The following CADM1 variants were observed in gnomAD, a reference collection of about 807,000 sequenced individuals.
CADM1 encodes the protein cell adhesion molecule 1, also known as TSLC-1.
In CADM1, 15 loss-of-function variants were observed where a neutral mutation model predicts 53.1. The ratio of observed to expected loss-of-function variants is 0.28; its 90% CI spans 0.19 to 0.44. CADM1 has a LOEUF of 0.44. Ranked by LOEUF, CADM1 falls within the 20% of genes least tolerant of loss-of-function variation. The pLI is 1.00. For missense variants in CADM1, 434 were observed against 611.3 expected, an observed-to-expected ratio of 0.71 and a Z score of 3.06; for synonymous variants, 281 against 243.0, an observed-to-expected ratio of 1.16 and a Z score of -1.45.
At chr11:115,443,364 T>C (rs1948369845) in intron 1 of CADM1, among the ~76,000 whole-genome samples, 1 of 152,182 alleles carries the variant, frequency 6.6e-6, no homozygotes, top group Non-Finnish European at 1.5e-5. Flanking sequence ...ATAATAAAAG[T>C]AATGGCAGAT....
intron 1 of CADM1, among the ~76,000 whole-genome samples, chr11:115,500,889 AGAATAT>A (rs1949712925): frequency 6.6e-6 from 1 of 152,236 alleles, no homozygotes; most frequent in Admixed American, 6.5e-5. Context: ...AACTCCGATA[AGAATAT>A]GAAGTCAGGA....
chr11:115,234,752 G>A (rs1941949994), intron 3 of CADM1, among the ~76,000 whole-genome samples: 1 of 152,038 alleles, frequency 6.6e-6, no homozygotes, highest in Admixed American at 6.6e-5. Context: ...AATTAGCCAG[G>A]TGAGGTGGCG....
chr11:115,367,676 T>C (rs79921861), intron 1 of CADM1, among the ~76,000 whole-genome samples: 1 of 152,086 alleles, frequency 6.6e-6, no homozygotes, highest in South Asian at 2.1e-4. Context: ...TATTTTAACA[T>C]GATTTTAAGA....
At chr11:115,469,790 G>C (rs1002785464) in intron 1 of CADM1, among the ~76,000 whole-genome samples, 1 of 148,530 alleles carries the variant, frequency 6.7e-6, no homozygotes, top group Non-Finnish European at 1.5e-5. Context: ...TCCTGCCTCA[G>C]CCTCCCGAGA....
intron 1 of CADM1, among the ~76,000 whole-genome samples, chr11:115,340,657 TA>T (rs1263706603): frequency 0.02 from 673 of 34,288 alleles, 5 homozygotes; most frequent in Non-Finnish European, 0.029. Flanking sequence ...TATATATATA[TA>T]TTTTTTTTTT....
At chr11:115,393,158 G>A (rs1946886681) in intron 1 of CADM1, among the ~76,000 whole-genome samples, 1 of 149,488 alleles carries the variant, frequency 6.7e-6, no homozygotes, top group African/African-American at 2.5e-5. Flanking sequence ...TAAAACATAT[G>A]CTTGAAGAAT....
At chr11:115,329,593 G>A (rs1310400391) in intron 1 of CADM1, among the ~76,000 whole-genome samples, 1 of 152,062 alleles carries the variant, frequency 6.6e-6, no homozygotes, top group Non-Finnish European at 1.5e-5. Flanking sequence ...GTCTAGGGCT[G>A]GGTGCCCGTG....
At chr11:115,255,903 C>T (rs79818858) in intron 1 of CADM1, among the ~76,000 whole-genome samples, 1 of 152,304 alleles carries the variant, frequency 6.6e-6, no homozygotes, top group African/African-American at 2.4e-5. Context: ...AGCTAGCTGA[C>T]TGTAACCAAT....
At chr11:115,352,504 A>G (rs531844419) in intron 1 of CADM1, among the ~76,000 whole-genome samples, 8 of 152,364 alleles carry the variant, frequency 5.3e-5, no homozygotes, top group Non-Finnish European at 1.2e-4. Context: ...GATAAAATAG[A>G]GGAAATATTT....
chr11:115,181,225 C>T (rs550145544), intron 10 of CADM1, among the ~76,000 whole-genome samples: 94 of 152,188 alleles, frequency 6.2e-4, no homozygotes, highest in African/African-American at 2.0e-3. Flanking sequence ...ACAAAAACCT[C>T]CCTCAAACAA....
chr11:115,267,741 C>T (rs1398054012), intron 1 of CADM1, among the ~76,000 whole-genome samples: 1 of 142,160 alleles, frequency 7.0e-6, no homozygotes, highest in Non-Finnish European at 1.5e-5. Context: ...ACTGAAGAAA[C>T]CAATTAACCC....
At chr11:115,367,601 G>A (rs1450271433) in intron 1 of CADM1, among the ~76,000 whole-genome samples, 1 of 151,960 alleles carries the variant, frequency 6.6e-6, no homozygotes, top group South Asian at 2.1e-4. Context: ...GCATTTTGTT[G>A]CATTTCTTCC....
At chr11:115,329,361 C>T (rs1945070992) in intron 1 of CADM1, among the ~76,000 whole-genome samples, 1 of 152,034 alleles carries the variant, frequency 6.6e-6, no homozygotes. Context: ...GGATCTGTGT[C>T]TTTCTAGGCT....
intron 1 of CADM1, among the ~76,000 whole-genome samples, chr11:115,459,144 A>G (rs371749368): frequency 9.2e-5 from 14 of 152,198 alleles, no homozygotes; most frequent in African/African-American, 3.4e-4. Flanking sequence ...TATAACTGCA[A>G]TAATGAATGG....
In CADM1 at chr11:115,175,589, C is replaced by T. The variant is rs1938990445; in HGVS notation, c.*885G>A. The T allele has an allele frequency of 1.0e-6, 1 of 985,492 alleles. No individual in the cohort carries two copies. The highest frequency in any genetic ancestry group is 1.2e-6 in the Non-Finnish European group (1 of 829,998). 61.0% of individuals were successfully genotyped at this position (985,492 alleles called of 1,614,324 possible). ...TGTCCACTTATATAAAAGGAACAGA[C>T]CTCACCTGTCAGGTCTGTTTAGGGC... is the stretch of plus-strand genomic sequence containing the variant. On this transcript the variant is annotated 3_prime_UTR_variant, in exon 12 of 12. Transcript: ENST00000331581.
intron 3 of CADM1, among the ~76,000 whole-genome samples, chr11:115,233,374 A>C (rs1941894366): frequency 6.6e-6 from 1 of 152,242 alleles, no homozygotes; most frequent in Non-Finnish European, 1.5e-5. Context: ...TATGAGACAC[A>C]GAAAGGCTTT....
At chr11:115,248,727 G>A (rs1442095767) in intron 1 of CADM1, among the ~76,000 whole-genome samples, 1 of 152,142 alleles carries the variant, frequency 6.6e-6, no homozygotes, top group Admixed American at 6.6e-5. Context: ...TTTTTAGAGA[G>A]AAGATAGGAT....
chr11:115,267,651 C>G (rs1236530948), intron 1 of CADM1, among the ~76,000 whole-genome samples: 1 of 150,460 alleles, frequency 6.6e-6, no homozygotes, highest in East Asian at 2.0e-4. Flanking sequence ...TCCCTGGCTA[C>G]TACACAAACT....
chr11:115,495,407 T>C (rs1386276362), intron 1 of CADM1, among the ~76,000 whole-genome samples: 1 of 152,154 alleles, frequency 6.6e-6, no homozygotes, highest in Non-Finnish European at 1.5e-5. Flanking sequence ...ATAGCCTTTT[T>C]CTACTAGCAA....
Sources: gnomAD v4.1 joint callset for allele counts (sites outside exome capture counted in the v4.1 genomes callset) on GRCh38, gnomAD v4.1.1 for gene constraint, MANE v1.5 for transcripts, NCBI Gene and HGNC (gene_info 2026-07-23, HGNC 2026-07-21) for gene names.